The following ESR1 variants were observed in gnomAD, a reference collection of about 807,000 sequenced individuals.
The protein encoded by ESR1 is estrogen receptor 1.
A neutral mutation model predicts 52.7 loss-of-function variants in ESR1; 12 were observed. The observed-to-expected ratio is 0.23, with a 90% CI of 0.15 to 0.37. The LOEUF (loss-of-function observed/expected upper bound fraction) is 0.37, where lower values mean the gene tolerates loss of function less well. Ranked by LOEUF, ESR1 falls within the 10% of genes least tolerant of loss-of-function variation. The pLI, the probability that ESR1 is intolerant of heterozygous loss-of-function variation, is 1.00. For synonymous variants in ESR1, 305 were observed against 316.8 expected (o/e 0.96, Z 0.39); for missense variants, 584 against 779.7 (o/e 0.75, Z 2.99).
chr6:152,003,124 C>T (rs1311501279), intron 4 of ESR1, among the ~76,000 whole-genome samples: 2 of 151,798 alleles, frequency 1.3e-5, no homozygotes, highest in African/African-American at 4.8e-5. Flanking sequence ...ACAGATGGGG[C>T]TGGTAACAAG....
chr6:151,955,404 C>T (rs190346180), intron 4 of ESR1, among the ~76,000 whole-genome samples: 4 of 151,782 alleles, frequency 2.6e-5, no homozygotes, highest in African/African-American at 7.3e-5. Context: ...ATACATTTTA[C>T]CAAAATAAAG....
At chr6:151,699,462 G>A (rs985353709) in intron 1 of ESR1, among the ~76,000 whole-genome samples, 9 of 152,134 alleles carry the variant, frequency 5.9e-5, no homozygotes, top group Non-Finnish European at 1.2e-4. Context: ...TATTCTCAGC[G>A]GAGTAGTATT....
chr6:152,006,729 T>C (rs746222660), intron 4 of ESR1, among the ~76,000 whole-genome samples: 13 of 151,710 alleles, frequency 8.6e-5, no homozygotes, highest in Non-Finnish European at 1.6e-4. Flanking sequence ...GAAAAGCCAA[T>C]ACAGAAAAAA....
chr6:151,837,614 G>A (rs1163004759), intron 1 of ESR1, among the ~76,000 whole-genome samples: 1 of 152,082 alleles, frequency 6.6e-6, no homozygotes, highest in African/African-American at 2.4e-5. Context: ...GTAATGCATT[G>A]TCATAGATGC....
At chr6:152,110,343 A>T (rs1720494428) in intron 6 of ESR1, among the ~76,000 whole-genome samples, 1 of 152,254 alleles carries the variant, frequency 6.6e-6, no homozygotes, top group Non-Finnish European at 1.5e-5. Context: ...AATACTATGC[A>T]GCCATGAAAA....
intron 2 of ESR1, among the ~76,000 whole-genome samples, chr6:151,774,294 A>G (rs1583223052): frequency 6.6e-6 from 1 of 152,272 alleles, no homozygotes; most frequent in East Asian, 1.9e-4. Flanking sequence ...GAAGTATAGC[A>G]TATCACAGAA....
intron 2 of ESR1, among the ~76,000 whole-genome samples, chr6:151,850,257 G>A (rs564163705): frequency 1.9e-4 from 28 of 149,862 alleles, no homozygotes; most frequent in African/African-American, 6.9e-4. Flanking sequence ...TTATACTGTG[G>A]TGTAACCCAC....
intron 1 of ESR1, among the ~76,000 whole-genome samples, chr6:151,670,732 C>T (rs995472172): frequency 3.3e-5 from 5 of 149,724 alleles, no homozygotes; most frequent in Admixed American, 6.6e-5. Flanking sequence ...TACAGGCTTG[C>T]GCCGTTACAC....
chr6:151,668,413 G>C (rs1777905904), intron 1 of ESR1, among the ~76,000 whole-genome samples: 1 of 152,042 alleles, frequency 6.6e-6, no homozygotes, highest in African/African-American at 2.4e-5. Context: ...TGAGTAGCTG[G>C]GACTACAGGT....
At chr6:151,776,564 G>C (rs1056717728) in intron 2 of ESR1, among the ~76,000 whole-genome samples, 2 of 152,216 alleles carry the variant, frequency 1.3e-5, no homozygotes, top group Non-Finnish European at 1.5e-5. Flanking sequence ...GAGGCCGGCT[G>C]GGGTGGCTCA....
At position 152,015,132 on chromosome 6, in the gene ESR1, C is replaced by T. The variant is rs574298896; in HGVS notation, c.1235+3338C>T. On this transcript the variant is annotated intron_variant, in intron 5 of 7. Transcript: ENST00000206249. ...GAATCACTATTACAAGTGTCTCAAA[C>T]GCAAATTTCTGAAGAGTCACAGGTG... is the stretch of plus-strand genomic sequence containing the variant. 2.1e-4 allele frequency among the ~76,000 whole-genome samples: 32 copies of T among 152,236 alleles called. 1 individual carries two copies. Among genetic ancestry groups the T allele is most frequent in the South Asian group, 6.2e-4 (3 of 4,818 alleles).
At chr6:151,854,352 C>T (rs1192485227) in intron 2 of ESR1, among the ~76,000 whole-genome samples, 9 of 151,894 alleles carry the variant, frequency 5.9e-5, no homozygotes, top group Middle Eastern at 3.4e-3. Flanking sequence ...TTTTTTTAAG[C>T]GAAAGATATG....
In ESR1 at chr6:152,098,593, A is replaced by G; in HGVS notation, c.1554-139A>G. 1.3e-6 allele frequency: 1 copy of G among 750,408 alleles called. No individual in the cohort carries two copies. The highest frequency in any genetic ancestry group is 2.3e-6 in the Non-Finnish European group (1 of 431,396). The allele number at this position is 750,408 out of a possible 1,614,324, so 46.5% of individuals were successfully genotyped here. ...CTCAGCTTTCCCAGCTCCCATCCTA[A>G]AGTGGGTCTTTAAACAGGAAGAAAG... On this transcript the variant is annotated intron_variant, in intron 7 of 7. Transcript: ENST00000206249. This position sits in a 1 kb window ranked among gnomAD's most constrained non-coding sequence, Gnocchi z 5.1.
chr6:151,987,815 A>G (rs1015650428), intron 4 of ESR1, among the ~76,000 whole-genome samples: 12 of 152,232 alleles, frequency 7.9e-5, no homozygotes, highest in Non-Finnish European at 1.5e-4. Flanking sequence ...CTTTTGGATT[A>G]TTATTGTTAA....
At chr6:151,847,199 G>GTA (rs1785291569) in intron 2 of ESR1, among the ~76,000 whole-genome samples, 1 of 152,190 alleles carries the variant, frequency 6.6e-6, no homozygotes, top group Admixed American at 6.5e-5. Context: ...GGTCCTACAG[G>GTA]TATAACTGAG....
chr6:151,990,389 G>C (rs1437445001), intron 4 of ESR1, among the ~76,000 whole-genome samples: 1 of 151,846 alleles, frequency 6.6e-6, no homozygotes, highest in Admixed American at 6.6e-5. Context: ...TCCATTGCTG[G>C]TGTTCCTTGT....
At chr6:151,754,787 A>G (rs994489157) in intron 2 of ESR1, among the ~76,000 whole-genome samples, 1 of 152,146 alleles carries the variant, frequency 6.6e-6, no homozygotes, top group African/African-American at 2.4e-5. Context: ...CCTTAGATTG[A>G]CATCTGGAGT....
chr6:151,842,465 G>A, intron 1 of ESR1, 132 bp from the exon 2 acceptor site: 1 of 853,478 alleles, frequency 1.2e-6, no homozygotes, highest in Non-Finnish European at 1.9e-6. Flanking sequence ...ACGGCAAGAG[G>A]TAATGAAAGA....
At chr6:151,901,254 C>T (rs2128407322) in intron 3 of ESR1, among the ~76,000 whole-genome samples, 1 of 152,284 alleles carries the variant, frequency 6.6e-6, no homozygotes, top group South Asian at 2.1e-4. Context: ...CCTCACCCAG[C>T]TCCCTTGCAA....
Sources: gnomAD v4.1 joint callset for allele counts (sites outside exome capture counted in the v4.1 genomes callset) on GRCh38, gnomAD v4.1.1 for gene constraint, Gnocchi (gnomAD v3.1) non-coding constraint, MANE v1.5 for transcripts, NCBI Gene and HGNC (gene_info 2026-07-23, HGNC 2026-07-21) for gene names.